GAS2: variants seen among roughly 807,000 people sequenced by gnomAD.
The protein encoded by GAS2 is growth arrest-specific protein 2.
GAS2 carries 20 observed loss-of-function variants against 37.5 expected under a neutral mutation model. The ratio of observed to expected loss-of-function variants is 0.53; its 90% CI spans 0.37 to 0.77. GAS2 has a LOEUF of 0.77. Among genes scored for constraint, GAS2 ranks in the 30% least tolerant of loss-of-function variants. The pLI, the probability that GAS2 is intolerant of heterozygous loss-of-function variation, is 0.00. For missense variants in GAS2, 336 were observed against 373.4 expected (o/e 0.90, Z 0.82); for synonymous variants, 144 against 132.2 (o/e 1.09, Z -0.61).
At chr11:22,661,452 G>A (rs1275528133) in intron 1 of GAS2, among the ~76,000 whole-genome samples, 1 of 152,176 alleles carries the variant, frequency 6.6e-6, no homozygotes, top group Admixed American at 6.5e-5. Context: ...TTTGGTAAGT[G>A]AGATAGATGC....
intron 1 of GAS2, among the ~76,000 whole-genome samples, chr11:22,630,209 C>A (rs1455055222): frequency 2.0e-5 from 3 of 152,244 alleles, no homozygotes; most frequent in East Asian, 3.9e-4. Context: ...TCCCCCACCC[C>A]ACAACAGGCC....
intron 3 of GAS2, among the ~76,000 whole-genome samples, chr11:22,724,334 G>T (rs1363859184): frequency 6.6e-6 from 1 of 151,846 alleles, no homozygotes; most frequent in African/African-American, 2.4e-5. Context: ...TGTATTATAT[G>T]TCATTCTACC....
intron 7 of GAS2, among the ~76,000 whole-genome samples, chr11:22,764,336 G>A (rs529357044): frequency 8.7e-4 from 133 of 152,012 alleles, no homozygotes; most frequent in Non-Finnish European, 1.2e-3. Flanking sequence ...CGAGGCGGGC[G>A]GATCACGAGG....
At chr11:22,789,422 T>TATATAAATATATATATATAAA (rs1564889813) in intron 7 of GAS2, among the ~76,000 whole-genome samples, 1 of 42,836 alleles carries the variant, frequency 2.3e-5, no homozygotes, top group African/African-American at 1.2e-4. Context: ...GTATCTCATA[T>TATATAAATATATATATATAAA]GAGATATATA....
Position 22,802,224 on chromosome 11 carries a change from T to C in GAS2, c.724-9574T>C, listed in dbSNP as rs188766988. 5.3e-3 allele frequency among the ~76,000 whole-genome samples: 800 copies of C among 152,002 alleles called. 18 individuals carry two copies. Among genetic ancestry groups the C allele is most frequent in the Admixed American group, 0.047 (718 of 15,230 alleles). The stretch of plus-strand genomic sequence containing the variant: ...ATCACAAGGACAGAAAACCAAACAC[T>C]GCATGTTCTCACTCACAGGTGGGAA... On this transcript the variant is annotated intron_variant, in intron 7 of 7. Transcript: ENST00000454584.
chr11:22,674,938 A>C lies in GAS2; in HGVS notation c.69A>C (p.Gln23His), dbSNP rs1849356960. The C allele has an allele frequency of 6.2e-7, 1 of 1,613,916 alleles. No individual in the cohort carries two copies. The highest frequency in any genetic ancestry group is 8.5e-7 in the Non-Finnish European group (1 of 1,179,866). The part of the protein sequence containing the change: ...PGLSDMHQYS[Q>H]WLASRHEANL... Reference sequence around the variant, plus strand: ...TCTCTGATATGCATCAGTATAGCCAATGGCTAGCCAGCAGACATGAAGCTA... The same window carrying C: ...TCTCTGATATGCATCAGTATAGCCACTGGCTAGCCAGCAGACATGAAGCTA... The change falls in exon 2 of 8, where the codon CAA becomes CAC. Residue 23 changes from glutamine (Q) to histidine (H), a missense_variant. Physicochemically the swap from Gln to His is conservative, Grantham distance 24. Transcript: ENST00000454584.
At chr11:22,706,397 A>T (rs1358354519) in intron 3 of GAS2, among the ~76,000 whole-genome samples, 2 of 151,972 alleles carry the variant, frequency 1.3e-5, no homozygotes, top group African/African-American at 4.8e-5. Context: ...GGTTAGTTAC[A>T]TATGTATACA....
chr11:22,724,636 T>C (rs774263088), intron 3 of GAS2, among the ~76,000 whole-genome samples: 43 of 152,162 alleles, frequency 2.8e-4, no homozygotes, highest in Non-Finnish European at 4.6e-4. Context: ...TTTAAGGAAA[T>C]ATTTCTGTAT....
chr11:22,751,034 C>A (rs1289042429), intron 6 of GAS2, among the ~76,000 whole-genome samples: 2 of 151,938 alleles, frequency 1.3e-5, no homozygotes. Flanking sequence ...TGCATCTCTA[C>A]AACATTTCTG....
intron 7 of GAS2, among the ~76,000 whole-genome samples, chr11:22,781,364 A>G (rs1390178219): frequency 1.3e-5 from 2 of 152,196 alleles, no homozygotes; most frequent in Non-Finnish European, 2.9e-5. Context: ...TTCTCACAGA[A>G]TATCTATTTC....
chr11:22,739,036 G>A (rs1048531476), intron 5 of GAS2, among the ~76,000 whole-genome samples: 1 of 152,140 alleles, frequency 6.6e-6, no homozygotes, highest in Non-Finnish European at 1.5e-5. Flanking sequence ...CTCTAGTCTT[G>A]GTCCTTTCAG....
intron 1 of GAS2, among the ~76,000 whole-genome samples, chr11:22,634,249 T>A (rs337481): frequency 6.6e-6 from 1 of 151,972 alleles, no homozygotes; most frequent in South Asian, 2.1e-4. Context: ...GTCACTACCA[T>A]GAGAACATAA....
At chr11:22,706,020 G>C (rs1313620322) in intron 3 of GAS2, among the ~76,000 whole-genome samples, 2 of 152,172 alleles carry the variant, frequency 1.3e-5, no homozygotes, top group Non-Finnish European at 2.9e-5. Flanking sequence ...GGAAGTAAAG[G>C]AAAGCAAGTA....
chr11:22,791,116 A>G (rs1856136638), intron 7 of GAS2, among the ~76,000 whole-genome samples: 2 of 152,206 alleles, frequency 1.3e-5, no homozygotes, highest in Non-Finnish European at 2.9e-5. Context: ...CTGTTTGGGT[A>G]ATGGATAGAC....
chr11:22,731,969 C>A (rs566684033), intron 4 of GAS2, among the ~76,000 whole-genome samples: 1 of 151,710 alleles, frequency 6.6e-6, no homozygotes, highest in South Asian at 2.1e-4. Flanking sequence ...TCAGAAAACC[C>A]TTTTCAAATC....
chr11:22,635,959 C>T (rs945712450), intron 1 of GAS2, among the ~76,000 whole-genome samples: 1 of 152,206 alleles, frequency 6.6e-6, no homozygotes. Context: ...ACCACTCACA[C>T]TCTGGGGACT....
intron 7 of GAS2, among the ~76,000 whole-genome samples, chr11:22,790,590 A>ATTTT (rs58284244): frequency 2.1e-4 from 23 of 111,796 alleles, no homozygotes; most frequent in East Asian, 1.4e-3. Context: ...CTTCTTCTCT[A>ATTTT]TTTTTTTTTT....
At chr11:22,634,480 C>T (rs905917685) in intron 1 of GAS2, among the ~76,000 whole-genome samples, 3 of 152,280 alleles carry the variant, frequency 2.0e-5, no homozygotes, top group African/African-American at 7.2e-5. Context: ...CCACACTGCA[C>T]CTGTTGTGCC....
chr11:22,713,415 A>G (rs1373284387), intron 3 of GAS2, among the ~76,000 whole-genome samples: 1 of 152,114 alleles, frequency 6.6e-6, no homozygotes, highest in Non-Finnish European at 1.5e-5. Flanking sequence ...GAGAAATCTA[A>G]AAGTTTGGAA....
Sources: allele counts gnomAD v4.1 joint callset (sites outside exome capture counted in the v4.1 genomes callset), GRCh38; gene constraint gnomAD v4.1.1; transcripts MANE v1.5; gene names NCBI Gene and HGNC (gene_info 2026-07-23, HGNC 2026-07-21).